Variants in CLASP1 observed in about 807,000 individuals in gnomAD.
The protein encoded by CLASP1 is CLIP-associating protein 1.
CLASP1 carries 38 observed loss-of-function variants against 192.3 expected under a neutral mutation model. That is an observed-to-expected ratio of 0.20 (90% confidence interval 0.15 to 0.26). The LOEUF is 0.26. CLASP1 is among the 10% of genes least tolerant of loss of function. The pLI is 1.00. For synonymous variants in CLASP1, 691 were observed against 712.8 expected, an observed-to-expected ratio of 0.97 and a Z score of 0.49; for missense variants, 1,433 against 1,932.5, an observed-to-expected ratio of 0.74 and a Z score of 4.85.
intron 2 of CLASP1, among the ~76,000 whole-genome samples, chr2:121,583,107 C>T (rs2061383100): frequency 6.6e-6 from 1 of 152,152 alleles, no homozygotes; most frequent in Admixed American, 6.5e-5. Context: ...ACTTATTCAT[C>T]TGCGAATACC....
exon 35 of CLASP1, chr2:121,367,642 TGTC>T: frequency 6.2e-7 from 1 of 1,613,990 alleles, no homozygotes; most frequent in Non-Finnish European, 8.5e-7. Context: ...AGGGCGGTCT[TGTC>T]GTAGGTGTTG....
At chr2:121,591,907 G>A (rs534833948) in intron 2 of CLASP1, among the ~76,000 whole-genome samples, 1 of 152,254 alleles carries the variant, frequency 6.6e-6, no homozygotes, top group South Asian at 2.1e-4. Flanking sequence ...CATGTAAAAT[G>A]CAGCTGTAGA....
chr2:121,365,176 G>A (rs1239685179), exon 36 of CLASP1: 11 of 1,613,744 alleles, frequency 6.8e-6, no homozygotes, highest in African/African-American at 6.7e-5. Flanking sequence ...GTCTTCCCGC[G>A]TGATCTTGAG....
intron 30 of CLASP1, among the ~76,000 whole-genome samples, chr2:121,392,868 G>A (rs954614737): frequency 6.6e-6 from 1 of 152,160 alleles, no homozygotes; most frequent in Non-Finnish European, 1.5e-5. Context: ...GTTACAGACT[G>A]GGTTGGGCTT....
intron 9 of CLASP1, among the ~76,000 whole-genome samples, chr2:121,466,007 T>C (rs754948443): frequency 6.6e-6 from 1 of 152,160 alleles, no homozygotes; most frequent in African/African-American, 2.4e-5. Flanking sequence ...TTACACCTTA[T>C]ACAAAAATTA....
At chr2:121,410,940 T>G (rs777677060) in exon 24 of CLASP1, 9 of 1,610,580 alleles carry the variant, frequency 5.6e-6, no homozygotes, top group Non-Finnish European at 7.6e-6. Context: ...GAACCAGGTA[T>G]TCTTCCTGGC....
chr2:121,374,708 C>A (rs1487900891), intron 34 of CLASP1, among the ~76,000 whole-genome samples: 1 of 152,302 alleles, frequency 6.6e-6, no homozygotes, highest in Middle Eastern at 3.4e-3. Flanking sequence ...TATTTTGGAG[C>A]TTTAAGATTT....
intron 8 of CLASP1, among the ~76,000 whole-genome samples, chr2:121,474,770 G>A (rs1443772058): frequency 6.6e-6 from 1 of 152,154 alleles, no homozygotes; most frequent in African/African-American, 2.4e-5. Flanking sequence ...GGCATACTGA[G>A]CAGCCAATGT....
intron 1 of CLASP1, among the ~76,000 whole-genome samples, chr2:121,625,877 G>T (rs2068246074): frequency 6.6e-6 from 1 of 151,810 alleles, no homozygotes; most frequent in Non-Finnish European, 1.5e-5. Flanking sequence ...ACATCACAAG[G>T]TCAAGAGATC....
At chr2:121,525,978 C>A in intron 5 of CLASP1, 58 bp from the exon 6 acceptor site, 2 of 1,272,020 alleles carry the variant, frequency 1.6e-6, no homozygotes, top group Non-Finnish European at 2.3e-6. Context: ...AAGAAAGATG[C>A]CTGTCTGCCC....
intron 23 of CLASP1, among the ~76,000 whole-genome samples, chr2:121,415,801 A>T (rs748843491): frequency 6.6e-6 from 1 of 152,198 alleles, no homozygotes; most frequent in Non-Finnish European, 1.5e-5. Flanking sequence ...CAGTCATAAA[A>T]TATCAATACC....
chr2:121,513,174 G>A (rs1007826853), intron 7 of CLASP1: 5 of 152,158 alleles, frequency 3.3e-5, no homozygotes, highest in African/African-American at 9.7e-5. Flanking sequence ...TTAGGTAACT[G>A]TCTTGTAGTA....
rs147649723 is a variant in CLASP1 at position 121,454,789 on chromosome 2, G to C, written c.1385+2898C>G. On this transcript the variant is annotated intron_variant, in intron 14 of 39. Coordinates refer to ENST00000263710, the Ensembl canonical transcript of CLASP1. ...TCTTATCGGAGAAATTTTGCCTTAC[G>C]CAAGGAAAAACACATTCTGAATTTC... Among the ~76,000 whole-genome samples, 10 of 152,240 alleles carry C rather than the reference G, an allele frequency of 6.6e-5. No individual in the cohort carries two copies. The East Asian group carries it at 1.9e-3, about 29-fold the overall frequency.
intron 22 of CLASP1, among the ~76,000 whole-genome samples, chr2:121,424,712 C>T (rs1001447863): frequency 2.0e-5 from 3 of 152,132 alleles, no homozygotes; most frequent in Non-Finnish European, 2.9e-5. Context: ...ATAAGTTTCA[C>T]CAATTAGATT....
intron 6 of CLASP1, among the ~76,000 whole-genome samples, chr2:121,521,091 C>T (rs546439004): frequency 7.9e-5 from 12 of 151,912 alleles, no homozygotes; most frequent in Admixed American, 5.2e-4. Flanking sequence ...TGCTGATTCT[C>T]GGGACATAGG....
Position 121,444,877 on chromosome 2 carries a change from C to T in CLASP1, c.1912+2460G>A, listed in dbSNP as rs1373039840. The T allele has an allele frequency of 6.8e-6, 8 of 1,172,282 alleles. No individual in the cohort carries two copies. The East Asian group carries it at 2.5e-4, about 37-fold the overall frequency. The allele number at this position is 1,172,282 out of a possible 1,614,324, so 72.6% of individuals were successfully genotyped here. Reference sequence around the variant, plus strand: ...GGACAAGTGGGTACTGGGCAACACTCGGTGAGAACAGAGGACCAGAGAAAG... The same window carrying T: ...GGACAAGTGGGTACTGGGCAACACTTGGTGAGAACAGAGGACCAGAGAAAG... On this transcript the variant is annotated intron_variant, in intron 19 of 39. Transcript: ENST00000263710.
At chr2:121,425,357 A>C in intron 21 of CLASP1, 51 bp from the exon 22 acceptor site, 1 of 1,537,112 alleles carries the variant, frequency 6.5e-7, no homozygotes, top group African/African-American at 1.4e-5. Context: ...TGTAGGAATG[A>C]ACTATAATAC....
chr2:121,416,960 G>A (rs1360039019), intron 23 of CLASP1, among the ~76,000 whole-genome samples: 2 of 152,152 alleles, frequency 1.3e-5, no homozygotes, highest in East Asian at 1.9e-4. Flanking sequence ...TAAGTTTTAG[G>A]GTTAGGTTTA....
intron 1 of CLASP1, among the ~76,000 whole-genome samples, chr2:121,630,200 G>A (rs1032177528): frequency 2.5e-4 from 38 of 152,088 alleles, no homozygotes; most frequent in Admixed American, 6.5e-4. Context: ...GATTACAGGC[G>A]TGAGCCACCA....
Sources: gnomAD v4.1 joint callset for allele counts (sites outside exome capture counted in the v4.1 genomes callset) on GRCh38, gnomAD v4.1.1 for gene constraint, MANE v1.5 for transcripts, NCBI Gene and HGNC (gene_info 2026-07-23, HGNC 2026-07-21) for gene names.